USH2A: variants seen among roughly 807,000 people sequenced by gnomAD.
USH2A encodes Usher syndrome 2A (autosomal recessive, mild).
A neutral mutation model predicts 538.9 loss-of-function variants in USH2A; 443 were observed. That is an observed-to-expected ratio of 0.82 (90% CI 0.76 to 0.89). USH2A has a LOEUF of 0.89. USH2A is among the 40% of genes least tolerant of loss of function. USH2A has a pLI of 0.00. For synonymous variants in USH2A, 2,413 were observed against 2,273.5 expected, an observed-to-expected ratio of 1.06 and a Z score of -1.75; for missense variants, 6,633 against 6,324.8, an observed-to-expected ratio of 1.05 and a Z score of -1.65.
intron 3 of USH2A, among the ~76,000 whole-genome samples, chr1:216,412,108 T>C (rs1452534281): frequency 1.3e-5 from 2 of 152,126 alleles, no homozygotes; most frequent in Admixed American, 1.3e-4. Context: ...AATATTTTCT[T>C]TATATGTTCA....
intron 35 of USH2A, among the ~76,000 whole-genome samples, chr1:215,988,797 T>A (rs1478609107): frequency 6.6e-6 from 1 of 152,194 alleles, no homozygotes; most frequent in African/African-American, 2.4e-5. Context: ...TAGGAAAAAT[T>A]CTCAGGGCTC....
chr1:216,374,940 C>T lies in USH2A; in HGVS notation c.652-9855G>A, dbSNP rs139270944. On this transcript the variant is annotated intron_variant, in intron 3 of 71. Transcript: ENST00000307340. ...TGAGTGGTCTTTAGGAACAAAGATT[C>T]GGTGCTAAGTAGATTCGTGCTATTT... Among the ~76,000 whole-genome samples, 253 of 151,992 alleles carry T rather than the reference C, an allele frequency of 1.7e-3. 2 individuals are homozygous for T. The highest frequency in any genetic ancestry group is 2.8e-3 in the Non-Finnish European group (192 of 68,012).
chr1:216,327,654 C>T lies in USH2A; in HGVS notation c.785G>A (p.Gly262Asp), dbSNP rs190538759. The T allele has an allele frequency of 4.3e-6, 7 of 1,612,992 alleles. No homozygotes were observed. The East Asian group carries it at 1.6e-4, about 36-fold the overall frequency. The change falls in exon 5 of 72, where the codon GGT (glycine) becomes GAT (aspartate). Residue 262 changes from glycine to aspartate, a missense_variant and splice_region_variant. By Grantham distance (94) the Gly-to-Asp change is moderately conservative. Transcript: ENST00000307340. ...GTVQIGQSLN[G>D]LEQFVGRMQD... ...CATTCTTCCGACAAACTGCTCTAAA[C>T]CTGCAAATACACACATGTGCATAAT...
chr1:216,161,837 A>G (rs1368489840), intron 21 of USH2A, among the ~76,000 whole-genome samples: 1 of 152,056 alleles, frequency 6.6e-6, no homozygotes, highest in African/African-American at 2.4e-5. Flanking sequence ...AAATAATTTT[A>G]GCATTTAAAA....
At chr1:216,146,280 C>A (rs1202177031) in intron 21 of USH2A, among the ~76,000 whole-genome samples, 1 of 152,236 alleles carries the variant, frequency 6.6e-6, no homozygotes, top group Non-Finnish European at 1.5e-5. Flanking sequence ...TGGTGCCACA[C>A]TTCAATCTCT....
At chr1:215,770,136 T>G (rs1440459072) in intron 55 of USH2A, among the ~76,000 whole-genome samples, 1 of 152,192 alleles carries the variant, frequency 6.6e-6, no homozygotes, top group Non-Finnish European at 1.5e-5. Context: ...AGCCAGTCAT[T>G]TGTCCACTAT....
chr1:215,871,068 T>C (rs1350372015), intron 43 of USH2A, among the ~76,000 whole-genome samples: 1 of 152,198 alleles, frequency 6.6e-6, no homozygotes, highest in East Asian at 1.9e-4. Context: ...GTCTATGATG[T>C]AGCCAGTAAA....
At chr1:216,007,416 T>C (rs1668425359) in intron 32 of USH2A, among the ~76,000 whole-genome samples, 1 of 152,022 alleles carries the variant, frequency 6.6e-6, no homozygotes, top group South Asian at 2.1e-4. Context: ...CTCTGTTCCC[T>C]CAGATATAAT....
chr1:216,349,381 G>T (rs539234829), intron 4 of USH2A, among the ~76,000 whole-genome samples: 9 of 152,160 alleles, frequency 5.9e-5, no homozygotes, highest in African/African-American at 1.9e-4. Flanking sequence ...TTGAATAGGG[G>T]CTCCGTAAAA....
chr1:216,053,821 A>G (rs542017579), intron 30 of USH2A, among the ~76,000 whole-genome samples: 1 of 152,308 alleles, frequency 6.6e-6, no homozygotes, highest in East Asian at 1.9e-4. Flanking sequence ...AAGTCAAGTA[A>G]GTAGATTCCC....
chr1:215,877,843 C>A lies in USH2A; in HGVS notation c.8596G>T (p.Ala2866Ser). 1 of 1,613,756 alleles carries A rather than the reference C, an allele frequency of 6.2e-7. No homozygotes were observed. The highest frequency in any genetic ancestry group is 1.1e-5 in the South Asian group (1 of 91,080). Reference protein sequence around the residue: ...LLRRKIQQPLASNPPEDLNRW... With the variant: ...LLRRKIQQPLSSNPPEDLNRW... ...TTTAAATCTTCTGGGGGATTTGATG[C>A]AAGTGGCTGCTGGATTTTACGTCTC... Residue 2866 changes from alanine to serine, a missense_variant, in exon 43 of 72, where the codon GCA (alanine) becomes TCA (serine). Transcript: ENST00000307340.
chr1:215,937,550 T>C (rs2102502490), intron 37 of USH2A, among the ~76,000 whole-genome samples: 1 of 152,156 alleles, frequency 6.6e-6, no homozygotes, highest in South Asian at 2.1e-4. Flanking sequence ...ATCCTAACCA[T>C]TGCCTAAGAA....
At chr1:215,790,385 T>C (rs1661948671) in intron 50 of USH2A, 103 bp from the exon 51 acceptor site, 1 of 1,272,154 alleles carries the variant, frequency 7.9e-7, no homozygotes, top group Non-Finnish European at 1.1e-6. Flanking sequence ...AGGCAGTTGC[T>C]GAAATGGTGC....
chr1:215,848,555 C>A (rs974245391), intron 44 of USH2A, among the ~76,000 whole-genome samples: 3 of 152,140 alleles, frequency 2.0e-5, no homozygotes, highest in African/African-American at 7.2e-5. Context: ...GCACCGTATG[C>A]CAGTCCCTCT....
chr1:216,390,985 T>C (rs2039097139), intron 3 of USH2A, among the ~76,000 whole-genome samples: 1 of 152,240 alleles, frequency 6.6e-6, no homozygotes, highest in African/African-American at 2.4e-5. Context: ...CAGCTGTGAA[T>C]ATATTTAAAT....
chr1:216,072,694 A>C, intron 29 of USH2A, 195 bp downstream of exon 29: 2 of 624,560 alleles, frequency 3.2e-6, no homozygotes, highest in East Asian at 5.6e-5. Context: ...GTATTTAGTG[A>C]ATTCTTGGTA....
At chr1:215,906,061 A>T (rs773863330) in intron 38 of USH2A, among the ~76,000 whole-genome samples, 40 of 152,102 alleles carry the variant, frequency 2.6e-4, no homozygotes, top group Non-Finnish European at 5.4e-4. Context: ...GTCATGAACA[A>T]ATTGAAAACA....
chr1:216,189,765 C>T (rs575877900), intron 20 of USH2A, among the ~76,000 whole-genome samples: 3 of 151,818 alleles, frequency 2.0e-5, no homozygotes, highest in African/African-American at 7.2e-5. Flanking sequence ...TAGAGCCAAG[C>T]CTACAAAAAA....
intron 22 of USH2A, among the ~76,000 whole-genome samples, 172 bp from the exon 23 acceptor site, chr1:216,089,311 T>G (rs1407972929): frequency 6.6e-6 from 1 of 152,138 alleles, no homozygotes; most frequent in African/African-American, 2.4e-5. Flanking sequence ...TCATTCTGGC[T>G]TTCCTGTGAT....
Sources: gnomAD v4.1 joint callset for allele counts (sites outside exome capture counted in the v4.1 genomes callset) on GRCh38, gnomAD v4.1.1 for gene constraint, MANE v1.5 for transcripts, NCBI Gene and HGNC (gene_info 2026-07-23, HGNC 2026-07-21) for gene names.